Variants in FRAS1 observed in about 807,000 individuals in gnomAD.
FRAS1 encodes the protein Fraser extracellular matrix complex subunit 1.
Under a neutral mutation model 435.2 loss-of-function variants are expected in FRAS1, and 290 were observed. The observed-to-expected ratio is 0.67, with a 90% CI of 0.61 to 0.73. FRAS1 has a LOEUF of 0.73. FRAS1 is among the 30% of genes least tolerant of loss of function. FRAS1 has a pLI of 0.00. For missense variants in FRAS1, 4,860 were observed against 5,001.5 expected (o/e 0.97, Z 0.85); for synonymous variants, 1,800 against 1,851.0 (o/e 0.97, Z 0.71).
chr4:78,465,877 A>G (rs1368583010), intron 49 of FRAS1, among the ~76,000 whole-genome samples: 1 of 152,208 alleles, frequency 6.6e-6, no homozygotes, highest in Non-Finnish European at 1.5e-5. Flanking sequence ...AGTTTTGGGT[A>G]GATGTAGGGG....
At chr4:78,327,927 A>G (rs527498178) in intron 18 of FRAS1, among the ~76,000 whole-genome samples, 1 of 152,364 alleles carries the variant, frequency 6.6e-6, no homozygotes, top group East Asian at 1.9e-4. Context: ...AGAGCATTAT[A>G]GAGAAAAAAG....
intron 66 of FRAS1, 111 bp from the exon 67 acceptor site, chr4:78,519,220 A>C: frequency 1.2e-6 from 1 of 863,944 alleles, no homozygotes; most frequent in Non-Finnish European, 1.7e-6. Context: ...ATAATTATTG[A>C]ATAAGTGTGT....
chr4:78,133,866 T>C (rs1281779950), intron 2 of FRAS1, among the ~76,000 whole-genome samples: 1 of 152,044 alleles, frequency 6.6e-6, no homozygotes, highest in African/African-American at 2.4e-5. Context: ...TTTTGGGTCA[T>C]CACCTAATCC....
intron 2 of FRAS1, among the ~76,000 whole-genome samples, chr4:78,081,054 A>T (rs565800795): frequency 6.6e-6 from 1 of 152,174 alleles, no homozygotes; most frequent in Non-Finnish European, 1.5e-5. Flanking sequence ...ATCCCCCTGG[A>T]AAAGAGCTTC....
rs1247465145 is a variant in FRAS1 at position 78,252,447 on chromosome 4, A to G, written c.365A>G (p.Glu122Gly). ...PCSVCSCNHGEVRCTPQPCPP... is the reference protein window; with the variant it reads ...PCSVCSCNHGGVRCTPQPCPP... ...AGTGTGTGCTCTTGCAATCATGGGG[A>G]AGTCCGATGTACCCCCCAACCATGC... Residue 122 changes from glutamate to glycine, a missense_variant, in exon 5 of 74, where the codon GAA becomes GGA. Glu to Gly is a moderately conservative substitution (Grantham distance 98, BLOSUM62 -2). Coordinates refer to ENST00000512123, the MANE Select transcript of FRAS1 (RefSeq NM_025074.7). 6.2e-7 allele frequency: 1 copy of G among 1,613,278 alleles called. No individual in the cohort carries two copies. The highest frequency in any genetic ancestry group is 2.2e-5 in the East Asian group (1 of 44,840).
In FRAS1 at chr4:78,542,625, G is replaced by A. The variant is rs1722095746; in HGVS notation, c.*1501G>A. ...CATTTCGCTACTAAAAGCTAGAAAGGATGAACTGTGAAAGGTTCTAGGCAG... is the reference window on the plus strand; with the variant it reads ...CATTTCGCTACTAAAAGCTAGAAAGAATGAACTGTGAAAGGTTCTAGGCAG... On this transcript the variant is annotated 3_prime_UTR_variant, in exon 74 of 74. Coordinates refer to ENST00000512123, the MANE Select transcript of FRAS1 (RefSeq NM_025074.7). 6.6e-6 allele frequency: 1 copy of A among 152,648 alleles called. No individual in the cohort carries two copies. The highest frequency in any genetic ancestry group is 6.5e-5 in the Admixed American group (1 of 15,280). The allele number at this position is 152,648 out of a possible 1,614,324, so 9.5% of individuals were successfully genotyped here.
At chr4:78,381,825 C>T (rs990381627) in intron 27 of FRAS1, among the ~76,000 whole-genome samples, 4 of 152,106 alleles carry the variant, frequency 2.6e-5, no homozygotes, top group Non-Finnish European at 5.9e-5. Context: ...TCACAGTACT[C>T]TTTTTGGGGT....
intron 1 of FRAS1, among the ~76,000 whole-genome samples, 184 bp from the exon 2 acceptor site, chr4:78,065,801 T>C (rs1016376740): frequency 6.6e-6 from 1 of 152,170 alleles, no homozygotes; most frequent in African/African-American, 2.4e-5. Context: ...GTCCAAGGAA[T>C]GTTGTTTTGG....
intron 14 of FRAS1, among the ~76,000 whole-genome samples, chr4:78,291,009 G>T (rs775717259): frequency 1.3e-5 from 2 of 151,808 alleles, no homozygotes; most frequent in Non-Finnish European, 2.9e-5. Context: ...CAGGTGATCC[G>T]CCCGCCTTGG....
intron 59 of FRAS1, among the ~76,000 whole-genome samples, chr4:78,493,182 AG>A: frequency 6.6e-6 from 1 of 152,350 alleles, no homozygotes; most frequent in Admixed American, 6.5e-5. Context: ...GTGGAGAAAT[AG>A]GAACACTTTT....
intron 56 of FRAS1, 139 bp from the exon 57 acceptor site, chr4:78,481,665 G>C (rs1173451578): frequency 8.1e-6 from 7 of 862,718 alleles, no homozygotes; most frequent in Non-Finnish European, 1.3e-5. Context: ...GGCCATAGGA[G>C]CATCACTGAA....
intron 2 of FRAS1, among the ~76,000 whole-genome samples, chr4:78,099,373 T>G (rs530621450): frequency 1.3e-5 from 2 of 152,122 alleles, no homozygotes; most frequent in East Asian, 3.9e-4. Context: ...CATTAGGGAG[T>G]GACAGCAGGC....
At chr4:78,118,640 G>A (rs1460508535) in intron 2 of FRAS1, among the ~76,000 whole-genome samples, 1 of 152,148 alleles carries the variant, frequency 6.6e-6, no homozygotes, top group African/African-American at 2.4e-5. Flanking sequence ...ACAATCTCCT[G>A]GTGTGCCATT....
At chr4:78,533,480 G>C (rs1721786075) in intron 70 of FRAS1, among the ~76,000 whole-genome samples, 1 of 152,246 alleles carries the variant, frequency 6.6e-6, no homozygotes, top group Non-Finnish European at 1.5e-5. Flanking sequence ...AGAGGCCAGA[G>C]CTTTACCGGT....
intron 16 of FRAS1, among the ~76,000 whole-genome samples, chr4:78,316,817 A>T (rs1461626041): frequency 6.6e-6 from 1 of 152,242 alleles, no homozygotes; most frequent in Non-Finnish European, 1.5e-5. Flanking sequence ...TGCTCATGCC[A>T]AGAAAACTAG....
chr4:78,290,977 G>T (rs1406992104), intron 14 of FRAS1, among the ~76,000 whole-genome samples: 1 of 151,384 alleles, frequency 6.6e-6, no homozygotes, highest in African/African-American at 2.4e-5. Flanking sequence ...TGTTGGCCAG[G>T]CTAGTCTCAA....
intron 2 of FRAS1, among the ~76,000 whole-genome samples, chr4:78,195,688 A>G (rs1430966430): frequency 6.6e-6 from 1 of 152,138 alleles, no homozygotes; most frequent in Non-Finnish European, 1.5e-5. Context: ...TTCTTTGACT[A>G]GGAAAGGGAT....
At chr4:78,354,023 T>TAAAAAAAAAAAAAAAAAAAA (rs767987937) in intron 20 of FRAS1, among the ~76,000 whole-genome samples, 1 of 106,060 alleles carries the variant, frequency 9.4e-6, no homozygotes. Flanking sequence ...AAAAATAAAA[T>TAAAAAAAAAAAAAAAAAAAA]AAAAAAAAAA....
intron 2 of FRAS1, among the ~76,000 whole-genome samples, chr4:78,133,403 G>C (rs991523457): frequency 6.6e-6 from 1 of 152,064 alleles, no homozygotes; most frequent in Admixed American, 6.6e-5. Context: ...GGGAGGTAGG[G>C]AAGGTTAATG....
Sources: gnomAD v4.1 joint callset for allele counts (sites outside exome capture counted in the v4.1 genomes callset) on GRCh38, gnomAD v4.1.1 for gene constraint, MANE v1.5 for transcripts, NCBI Gene and HGNC (gene_info 2026-07-23, HGNC 2026-07-21) for gene names.